Variants in HINT3 observed in about 807,000 individuals in gnomAD.
HINT3 encodes the protein histidine triad nucleotide binding protein 3.
In HINT3, 16 loss-of-function variants were observed where a neutral mutation model predicts 19.1. That is an observed-to-expected ratio of 0.84 (90% CI 0.57 to 1.27). HINT3 has a LOEUF of 1.27. Among genes scored for constraint, HINT3 ranks in the 50% most tolerant of loss-of-function variants. HINT3 has a pLI of 0.00. For missense variants in HINT3, 197 were observed against 225.8 expected, an observed-to-expected ratio of 0.87 and a Z score of 0.82; for synonymous variants, 75 against 84.8, an observed-to-expected ratio of 0.88 and a Z score of 0.63.
chr6:125,972,511 C>T (rs1789116232), intron 3 of HINT3, among the ~76,000 whole-genome samples, 183 bp downstream of exon 3: 1 of 152,166 alleles, frequency 6.6e-6, no homozygotes, highest in Admixed American at 6.5e-5. Flanking sequence ...GTCTCAATAT[C>T]TTCCAATAAT....
chr6:125,968,494 G>A (rs1306475224), intron 2 of HINT3, among the ~76,000 whole-genome samples: 1 of 152,104 alleles, frequency 6.6e-6, no homozygotes, highest in East Asian at 1.9e-4. Flanking sequence ...GTGTCTTTTT[G>A]GTAGGATAAT....
chr6:125,962,177 TATATATATAC>T (rs1788937032), intron 1 of HINT3, among the ~76,000 whole-genome samples: 2 of 46,374 alleles, frequency 4.3e-5, no homozygotes, highest in South Asian at 8.2e-4. Context: ...TATATATATA[TATATATATAC>T]ACATATATAT....
intron 2 of HINT3, among the ~76,000 whole-genome samples, chr6:125,970,349 T>C (rs1353588504): frequency 6.6e-6 from 1 of 152,206 alleles, no homozygotes; most frequent in Admixed American, 6.5e-5. Flanking sequence ...TTCATCTTTC[T>C]TATTAAAAGT....
chr6:125,966,868 C>T lies in HINT3; in HGVS notation c.202-19C>T. The T allele has an allele frequency of 1.3e-6, 2 of 1,500,130 alleles. No homozygotes were observed. The highest frequency in any genetic ancestry group is 1.8e-6 in the Non-Finnish European group (2 of 1,082,678). 92.9% of individuals were successfully genotyped at this position (1,500,130 alleles called of 1,614,324 possible). A position where few individuals can be genotyped will look rare whatever the true frequency, so the allele number is the denominator to read the frequency against. On this transcript the variant is annotated intron_variant, in intron 1 of 4. Transcript: ENST00000229633. ...GAAATTCTTTTTAAAAATTCACTAA[C>T]AAATGTTTTTTCCTTTAGAATGAGG...
chr6:125,972,437 T>G lies in HINT3; in HGVS notation c.389+109T>G, dbSNP rs1297515562. 9.5e-6 allele frequency: 6 copies of G among 634,786 alleles called. No homozygotes were observed. The Admixed American group carries it at 2.1e-4, about 22-fold the overall frequency. 39.3% of individuals were successfully genotyped at this position (634,786 alleles called of 1,614,324 possible). A position where few individuals can be genotyped will look rare whatever the true frequency, so the allele number is the denominator to read the frequency against. ...GAGGTGGCAGTTTGTGGTTTAAATGTAGTTTTCCTGAAAGTGAGAATATAG... is the reference window on the plus strand; with the variant it reads ...GAGGTGGCAGTTTGTGGTTTAAATGGAGTTTTCCTGAAAGTGAGAATATAG... On this transcript the variant is annotated intron_variant, in intron 3 of 4. Transcript: ENST00000229633.
intron 1 of HINT3, among the ~76,000 whole-genome samples, chr6:125,964,441 T>A (rs2128711068): frequency 6.6e-6 from 1 of 152,330 alleles, no homozygotes; most frequent in Non-Finnish European, 1.5e-5. Flanking sequence ...TGTTTATCCT[T>A]CCATTGTGAG....
rs2128712040 is a variant in HINT3, at chr6:125,974,827, CTCT to C, written c.390-18_390-16del. 2 of 1,602,696 alleles carry C rather than the reference CTCT, an allele frequency of 1.2e-6. No individual in the cohort carries two copies. Among genetic ancestry groups the C allele is most frequent in the East Asian group, 4.5e-5 (2 of 44,794 alleles). ...ATTTTAGAACTGGTTTGTCAATCAT[CTCT>C]TTACTTTCTATTTTAGGATGGGTTT... On this transcript the variant is annotated splice_polypyrimidine_tract_variant and intron_variant, in intron 3 of 4. Transcript: ENST00000229633.
rs1215728969 is a variant in HINT3, at chr6:125,966,912, A to G, written c.227A>G (p.Asp76Gly). Residue 76 changes from aspartate to glycine, a missense_variant, in exon 2 of 5, where the codon GAT becomes GGT. Coordinates refer to ENST00000229633, the MANE Select transcript of HINT3 (RefSeq NM_138571.5). ...AATGAGGACCTAATTTGCTTCAAAG[A>G]TATCAAACCAGCAGCAACTCATCAT... The part of the protein sequence containing the change: ...CENEDLICFK[D>G]IKPAATHHYL... 1.2e-6 allele frequency: 2 copies of G among 1,612,404 alleles called. No individual in the cohort carries two copies. Among genetic ancestry groups the G allele is most frequent in the East Asian group, 2.2e-5 (1 of 44,764 alleles).
Position 125,974,832 on chromosome 6 carries a change from T to C in HINT3, c.390-15T>C. 3.1e-6 allele frequency: 5 copies of C among 1,603,940 alleles called. No individual in the cohort carries two copies. Among genetic ancestry groups the C allele is most frequent in the Non-Finnish European group, 2.6e-6 (3 of 1,172,706 alleles). ...AGAACTGGTTTGTCAATCATCTCTT[T>C]ACTTTCTATTTTAGGATGGGTTTTC... is the stretch of plus-strand genomic sequence containing the variant. On this transcript the variant is annotated splice_polypyrimidine_tract_variant and intron_variant, in intron 3 of 4. Coordinates refer to ENST00000229633, the MANE Select transcript of HINT3 (RefSeq NM_138571.5).
chr6:125,974,325 A>G (rs965177985), intron 3 of HINT3, among the ~76,000 whole-genome samples: 1 of 152,246 alleles, frequency 6.6e-6, no homozygotes, highest in African/African-American at 2.4e-5. Flanking sequence ...ATTAAACAAG[A>G]AACCTGGGTG....
In HINT3 at chr6:125,979,513, G is replaced by A. The variant is rs1789220470; in HGVS notation, c.*1837G>A. The A allele has an allele frequency of 1.3e-5, 2 of 152,136 alleles. No individual in the cohort carries two copies. The highest frequency in any genetic ancestry group is 1.9e-4 in the East Asian group (1 of 5,184). The allele number at this position is 152,136 out of a possible 1,614,324, so 9.4% of individuals were successfully genotyped here. A position where few individuals can be genotyped will look rare whatever the true frequency, so the allele number is the denominator to read the frequency against. On this transcript the variant is annotated 3_prime_UTR_variant, in exon 5 of 5. Transcript: ENST00000229633. ...TCACGCCTGTAATCCTAGCACTTTG[G>A]GAGGCCGAGGTGGGTGGATCACAAG...
chr6:125,973,702 G>A (rs770582318), intron 3 of HINT3, among the ~76,000 whole-genome samples: 1 of 152,140 alleles, frequency 6.6e-6, no homozygotes, highest in Non-Finnish European at 1.5e-5. Flanking sequence ...GGAACAAATG[G>A]TGTTTGAGAC....
chr6:125,975,552 G>A (rs1789167754), intron 4 of HINT3, among the ~76,000 whole-genome samples: 2 of 150,520 alleles, frequency 1.3e-5, no homozygotes, highest in African/African-American at 4.9e-5. Context: ...TGTAGTAGTA[G>A]CATCACCTAT....
intron 1 of HINT3, 74 bp downstream of exon 1, chr6:125,957,252 C>G (rs772379478): frequency 1.4e-6 from 2 of 1,419,818 alleles, no homozygotes; most frequent in African/African-American, 2.8e-5. Flanking sequence ...GAGGCCTCGC[C>G]GTTGTGGAGC....
At chr6:125,969,077 C>G (rs1789060037) in intron 2 of HINT3, among the ~76,000 whole-genome samples, 1 of 152,018 alleles carries the variant, frequency 6.6e-6, no homozygotes, top group African/African-American at 2.4e-5. Context: ...AAATTGTTTC[C>G]CAAGGCTGAT....
intron 4 of HINT3, among the ~76,000 whole-genome samples, chr6:125,977,076 A>T (rs1389189739): frequency 6.6e-6 from 1 of 152,236 alleles, no homozygotes; most frequent in East Asian, 1.9e-4. Context: ...TTATCACCAC[A>T]GTCCATAGTT....
At chr6:125,969,530 G>A (rs1178645198) in intron 2 of HINT3, among the ~76,000 whole-genome samples, 1 of 152,016 alleles carries the variant, frequency 6.6e-6, no homozygotes, top group African/African-American at 2.4e-5. Context: ...TTCTCTAGTT[G>A]TGTGAAAAAT....
At chr6:125,971,041 G>C (rs941457) in intron 2 of HINT3, among the ~76,000 whole-genome samples, 118,501 of 152,094 alleles carry the variant, frequency 0.78, 47,307 homozygotes, top group East Asian at 1. Context: ...TTACTTCTTC[G>C]TCTTTCAAAT....
At chr6:125,958,082 T>C (rs149749245) in intron 1 of HINT3, among the ~76,000 whole-genome samples, 16 of 152,082 alleles carry the variant, frequency 1.1e-4, no homozygotes, top group Middle Eastern at 3.4e-3. Context: ...TGTAAGCTTG[T>C]GGGAGGAGCA....
Sources: allele counts gnomAD v4.1 joint callset (sites outside exome capture counted in the v4.1 genomes callset), GRCh38; gene constraint gnomAD v4.1.1; transcripts MANE v1.5; gene names NCBI Gene and HGNC (gene_info 2026-07-23, HGNC 2026-07-21).